PLD5: variants seen among roughly 807,000 people sequenced by gnomAD.
PLD5 encodes the protein phospholipase D family member 5.
A neutral mutation model predicts 61.1 loss-of-function variants in PLD5; 36 were observed. That is an observed-to-expected ratio of 0.59 (90% confidence interval 0.45 to 0.78). The LOEUF is 0.78. Ranked by LOEUF, PLD5 falls within the 30% of genes least tolerant of loss-of-function variation. The pLI is 0.00. For synonymous variants in PLD5, 243 were observed against 242.8 expected (o/e 1.00, Z -0.01); for missense variants, 515 against 644.4 (o/e 0.80, Z 2.17).
chr1:242,251,997 G>A (rs2149082984), intron 4 of PLD5, among the ~76,000 whole-genome samples: 1 of 152,310 alleles, frequency 6.6e-6, no homozygotes, highest in Non-Finnish European at 1.5e-5. Flanking sequence ...CAGTAAGTAA[G>A]AGACATGATC....
At chr1:242,230,247 ATTATC>A (rs1459100967) in intron 4 of PLD5, among the ~76,000 whole-genome samples, 1 of 152,202 alleles carries the variant, frequency 6.6e-6, no homozygotes, top group Non-Finnish European at 1.5e-5. Context: ...AGTATTTAAC[ATTATC>A]TTATTTCTAA....
In PLD5 at chr1:242,201,779, G is replaced by A. The variant is rs185606620; in HGVS notation, c.735+18209C>T. Among the ~76,000 whole-genome samples, 246 of 152,190 alleles carry A rather than the reference G, an allele frequency of 1.6e-3. 4 individuals carry two copies. The highest frequency in any genetic ancestry group is 5.0e-3 in the African/African-American group (206 of 41,520). On this transcript the variant is annotated intron_variant, in intron 5 of 9. Coordinates refer to ENST00000536534, the MANE Select transcript of PLD5 (RefSeq NM_001372062.1). ...TCAATATTATTTTGAAAACTTCCAT[G>A]GTTTAAAGTGGTATTTTGTTACATT... is the stretch of plus-strand genomic sequence containing the variant.
At chr1:242,494,083 G>GCCCTCCCTTCCCCTCTCCTC (rs1558146197) in intron 1 of PLD5, among the ~76,000 whole-genome samples, 1 of 100,402 alleles carries the variant, frequency 1.0e-5, no homozygotes, top group African/African-American at 4.4e-5. Context: ...CCCCTCCCCT[G>GCCCTCCCTTCCCCTCTCCTC]CCCTCCCTTC....
chr1:242,393,074 C>T lies in PLD5; in HGVS notation c.190-44832G>A, dbSNP rs200930018. Reference sequence around the variant, plus strand: ...CAAAAATTAGCTGGGTGTGGGGATGCGTGCCTGTAATCCCAGCTACTCAGG... The same window carrying T: ...CAAAAATTAGCTGGGTGTGGGGATGTGTGCCTGTAATCCCAGCTACTCAGG... On this transcript the variant is annotated intron_variant, in intron 1 of 9. Transcript: ENST00000536534. 1.9e-3 allele frequency among the ~76,000 whole-genome samples: 286 copies of T among 150,736 alleles called. 1 individual carries two copies. The East Asian group carries it at 0.02, about 10-fold the overall frequency.
At chr1:242,348,547 A>T (rs558984239) in intron 1 of PLD5, among the ~76,000 whole-genome samples, 2 of 152,132 alleles carry the variant, frequency 1.3e-5, no homozygotes, top group East Asian at 3.9e-4. Context: ...AGATCACTAG[A>T]TATCTATTGT....
In PLD5 at chr1:242,100,772, T is replaced by C; in HGVS notation, c.1250A>G (p.Asp417Gly). 1 of 1,606,112 alleles carries C rather than the reference T, an allele frequency of 6.2e-7. No individual in the cohort carries two copies. Among genetic ancestry groups the C allele is most frequent in the East Asian group, 2.2e-5 (1 of 44,804 alleles). The part of the protein sequence containing the change: ...ANCSLKVKFF[D>G]LERENACATK... ...AGCACAAGCATTCTCTCTTTCCAGA[T>C]CAAAAAATTTCTGTAAGAAAAAAAA... The change falls in exon 9 of 10, where the codon GAT becomes GGT. Residue 417 changes from aspartate to glycine, a missense_variant. Transcript: ENST00000536534.
chr1:242,225,672 G>A (rs1670896498), intron 4 of PLD5, among the ~76,000 whole-genome samples: 1 of 152,226 alleles, frequency 6.6e-6, no homozygotes, highest in Non-Finnish European at 1.5e-5. Context: ...CATAACGCAC[G>A]TGAGACACAT....
rs557617675 is a variant in PLD5, at chr1:242,322,276, G to A, written c.326+25830C>T. 6.6e-5 allele frequency among the ~76,000 whole-genome samples: 10 copies of A among 152,238 alleles called. No individual in the cohort carries two copies. The South Asian group carries it at 8.3e-4, about 13-fold the overall frequency. ...TCTGCCTTGGCTGCACAGTCCTCCT[G>A]TTACTCATCAAATATGCCAGCCATG... On this transcript the variant is annotated intron_variant, in intron 2 of 9. Coordinates refer to ENST00000536534, the MANE Select transcript of PLD5 (RefSeq NM_001372062.1).
chr1:242,517,943 T>C (rs973229571), intron 1 of PLD5, among the ~76,000 whole-genome samples: 1 of 152,188 alleles, frequency 6.6e-6, no homozygotes, highest in African/African-American at 2.4e-5. Context: ...ACTCCTCATG[T>C]TATTGCTGGA....
At chr1:242,285,153 T>A (rs903636011) in intron 3 of PLD5, among the ~76,000 whole-genome samples, 3 of 152,252 alleles carry the variant, frequency 2.0e-5, no homozygotes, top group African/African-American at 7.2e-5. Context: ...GCAGGCCAGT[T>A]GTTAGAGAGT....
intron 1 of PLD5, among the ~76,000 whole-genome samples, chr1:242,443,659 T>C (rs539231369): frequency 6.6e-6 from 1 of 152,288 alleles, no homozygotes; most frequent in South Asian, 2.1e-4. Context: ...GTAAACTGTA[T>C]CATAGCTTAA....
rs556118099 is a variant in PLD5, at chr1:242,346,016, C to A, written c.326+2090G>T. 8.6e-5 allele frequency among the ~76,000 whole-genome samples: 8 copies of A among 93,468 alleles called. 1 individual carries two copies. The highest frequency in any genetic ancestry group is 1.4e-4 in the Non-Finnish European group (7 of 49,448). The allele number at this position is 93,468 out of a possible 152,430, so 61.3% of individuals were successfully genotyped here. A position where few individuals can be genotyped will look rare whatever the true frequency, so the allele number is the denominator to read the frequency against. On this transcript the variant is annotated intron_variant, in intron 2 of 9. Coordinates refer to ENST00000536534, the MANE Select transcript of PLD5 (RefSeq NM_001372062.1). ...GATGTATGTTTCAGAAAAGATCTCC[C>A]CCCCCCCCATATATACAACCATATA... is the stretch of plus-strand genomic sequence containing the variant.
intron 5 of PLD5, among the ~76,000 whole-genome samples, chr1:242,163,923 G>GTA (rs150906475): frequency 0.29 from 42,286 of 148,106 alleles, 6,673 homozygotes; most frequent in Non-Finnish European, 0.35. Context: ...GTGTGTGTGT[G>GTA]TATATATATA....
intron 5 of PLD5, among the ~76,000 whole-genome samples, chr1:242,166,522 T>C (rs1666316814): frequency 6.6e-6 from 1 of 152,188 alleles, no homozygotes; most frequent in Admixed American, 6.5e-5. Context: ...CCTCCAGGCT[T>C]TTCTCTTTGG....
chr1:242,183,890 G>A (rs1057322494), intron 5 of PLD5, among the ~76,000 whole-genome samples: 6 of 151,470 alleles, frequency 4.0e-5, no homozygotes, highest in Non-Finnish European at 7.4e-5. Context: ...GCGAGACTCC[G>A]TCTCAAAATA....
At chr1:242,169,833 G>C (rs2148872652) in intron 5 of PLD5, among the ~76,000 whole-genome samples, 1 of 152,316 alleles carries the variant, frequency 6.6e-6, no homozygotes, top group African/African-American at 2.4e-5. Context: ...CGAACTGGGT[G>C]GAGCCCACCG....
intron 5 of PLD5, among the ~76,000 whole-genome samples, chr1:242,137,115 A>G (rs923625328): frequency 6.6e-6 from 1 of 152,220 alleles, no homozygotes; most frequent in Non-Finnish European, 1.5e-5. Flanking sequence ...GCCTTTCTTC[A>G]TGGTCCAGGA....
intron 4 of PLD5, chr1:242,235,714 G>A (rs750241982): frequency 7.9e-5 from 12 of 152,268 alleles, no homozygotes; most frequent in South Asian, 2.1e-4. Context: ...GCTCCTTGCC[G>A]TTCTTGAAGC....
chr1:242,198,665 G>A lies in PLD5; in HGVS notation c.735+21323C>T, dbSNP rs929739495. On this transcript the variant is annotated intron_variant, in intron 5 of 9. Coordinates refer to ENST00000536534, the MANE Select transcript of PLD5 (RefSeq NM_001372062.1). ...ATGTCTAAACTGAGATGTGCTGTGG[G>A]TGTCAAGTTACCACTGGATTCTGAA... Among the ~76,000 whole-genome samples, 5 of 139,622 alleles carry A rather than the reference G, an allele frequency of 3.6e-5. No individual in the cohort carries two copies. The East Asian group carries it at 1.0e-3, about 29-fold the overall frequency. The allele number at this position is 139,622 out of a possible 152,430, so 91.6% of individuals were successfully genotyped here. A position where few individuals can be genotyped will look rare whatever the true frequency, so the allele number is the denominator to read the frequency against.
Sources: gnomAD v4.1 joint callset for allele counts (sites outside exome capture counted in the v4.1 genomes callset) on GRCh38, gnomAD v4.1.1 for gene constraint, MANE v1.5 for transcripts, NCBI Gene and HGNC (gene_info 2026-07-23, HGNC 2026-07-21) for gene names.